The following ANXA4 variants were observed in gnomAD, a reference collection of about 807,000 sequenced individuals.
The protein encoded by ANXA4 is 35-beta calcimedin.
ANXA4 carries 39 observed loss-of-function variants against 49.8 expected under a neutral mutation model. The observed-to-expected ratio is 0.78, with a 90% CI of 0.61 to 1.02. The LOEUF is 1.02. Ranked by LOEUF, ANXA4 falls within the 50% of genes least tolerant of loss-of-function variation. The pLI is 0.00. For missense variants in ANXA4, 360 were observed against 410.1 expected, an observed-to-expected ratio of 0.88 and a Z score of 1.05; for synonymous variants, 134 against 152.5, an observed-to-expected ratio of 0.88 and a Z score of 0.89.
intron 3 of ANXA4, among the ~76,000 whole-genome samples, chr2:69,733,069 G>GA (rs1266178302): frequency 6.6e-6 from 1 of 152,072 alleles, no homozygotes; most frequent in Non-Finnish European, 1.5e-5. Context: ...GTAGACAACT[G>GA]AAAAAAATAG....
chr2:69,719,027 A>G (rs1304747036), intron 2 of ANXA4, among the ~76,000 whole-genome samples: 1 of 149,392 alleles, frequency 6.7e-6, no homozygotes, highest in Non-Finnish European at 1.5e-5. Context: ...CCCAGGCTGG[A>G]GTGCAGTGGC....
At chr2:69,702,249 A>G (rs1163701745) in intron 2 of ANXA4, among the ~76,000 whole-genome samples, 2 of 151,876 alleles carry the variant, frequency 1.3e-5, no homozygotes, top group African/African-American at 2.4e-5. Flanking sequence ...CTGACCTCAA[A>G]TGATCCGCCT....
chr2:69,708,899 C>T (rs1423853068), intron 2 of ANXA4, among the ~76,000 whole-genome samples: 1 of 151,826 alleles, frequency 6.6e-6, no homozygotes, highest in Non-Finnish European at 1.5e-5. Context: ...TGCCTATAAT[C>T]CCAGCTACCA....
intron 2 of ANXA4, chr2:69,700,111 T>C (rs1167455847): frequency 2.0e-5 from 3 of 152,216 alleles, no homozygotes; most frequent in Non-Finnish European, 4.4e-5. Context: ...TGAGGAAATG[T>C]AAATTTTTTT....
intron 8 of ANXA4, among the ~76,000 whole-genome samples, chr2:69,813,130 C>A (rs925640179): frequency 2.0e-5 from 3 of 152,198 alleles, no homozygotes; most frequent in Admixed American, 1.3e-4. Flanking sequence ...CTCTGTTTCC[C>A]AGCCCAGTGA....
intron 4 of ANXA4, 146 bp from the exon 5 acceptor site, chr2:69,806,239 C>T: frequency 1.7e-6 from 1 of 602,200 alleles, no homozygotes; most frequent in Non-Finnish European, 3.0e-6. Context: ...AGGCAAATAA[C>T]ATCTGAGTGT....
At chr2:69,695,900 AC>A (rs1678144484) in intron 2 of ANXA4, among the ~76,000 whole-genome samples, 1 of 148,804 alleles carries the variant, frequency 6.7e-6, no homozygotes, top group Non-Finnish European at 1.5e-5. Context: ...ATTTAAAAAT[AC>A]TTTTTTGCTA....
At chr2:69,730,190 A>T (rs1160587399) in intron 3 of ANXA4, among the ~76,000 whole-genome samples, 1 of 152,178 alleles carries the variant, frequency 6.6e-6, no homozygotes, top group Non-Finnish European at 1.5e-5. Flanking sequence ...TATTTAAAAA[A>T]AAAAAAATTC....
intron 2 of ANXA4, among the ~76,000 whole-genome samples, chr2:69,680,114 G>A (rs1367302543): frequency 6.6e-6 from 1 of 152,138 alleles, no homozygotes; most frequent in Admixed American, 6.5e-5. Context: ...CATTTTAAGA[G>A]CGTTAATTCT....
intron 2 of ANXA4, among the ~76,000 whole-genome samples, chr2:69,784,918 G>T (rs1672352517): frequency 6.6e-6 from 1 of 152,238 alleles, no homozygotes; most frequent in East Asian, 1.9e-4. Context: ...CAGTCGTATT[G>T]GATTAGGGGC....
chr2:69,724,411 T>C (rs1669904679), intron 3 of ANXA4, among the ~76,000 whole-genome samples: 2 of 152,190 alleles, frequency 1.3e-5, no homozygotes, highest in Non-Finnish European at 2.9e-5. Flanking sequence ...ACCCTGGGGC[T>C]TCATCCCCCC....
At chr2:69,776,968 A>G (rs1054404230) in intron 1 of ANXA4, among the ~76,000 whole-genome samples, 7 of 152,194 alleles carry the variant, frequency 4.6e-5, no homozygotes, top group African/African-American at 1.7e-4. Context: ...AGAGGTTCCC[A>G]TGACCCCCTG....
rs1673901494 is a variant in ANXA4, at chr2:69,814,791, TGTG to T, written c.535-1309_535-1307del. On this transcript the variant is annotated intron_variant, in intron 8 of 12. Transcript: ENST00000394295. ...GTGTGTGTGTGTGTGTGTGTGTGTG[TGTG>T]AGAGAAAGAGAGAGAGGATGGAGTT... 1.2e-3 allele frequency: 85 copies of T among 70,446 alleles called. 2 individuals carry two copies. Among genetic ancestry groups the T allele is most frequent in the African/African-American group, 5.7e-3 (82 of 14,388 alleles). 4.4% of individuals were successfully genotyped at this position (70,446 alleles called of 1,614,324 possible).
chr2:69,813,491 T>A (rs975143999), intron 8 of ANXA4, among the ~76,000 whole-genome samples: 2 of 152,126 alleles, frequency 1.3e-5, no homozygotes, highest in Non-Finnish European at 2.9e-5. Flanking sequence ...CCTCTGGTGA[T>A]CCGCCTGCCT....
At chr2:69,774,667 T>G (rs2105573315) in intron 1 of ANXA4, among the ~76,000 whole-genome samples, 1 of 152,264 alleles carries the variant, frequency 6.6e-6, no homozygotes, top group South Asian at 2.1e-4. Context: ...TCACAGCGTT[T>G]ACCATGACCT....
chr2:69,750,119 A>T (rs67264067), intron 1 of ANXA4, among the ~76,000 whole-genome samples: 34,480 of 151,526 alleles, frequency 0.23, 4,138 homozygotes, highest in East Asian at 0.3. Flanking sequence ...CCAATTAATT[A>T]AAAAAAAATA....
rs560037770 is a variant in ANXA4, at chr2:69,703,098, C to A, written n.767-17676C>A. On this transcript the variant is annotated intron_variant and non_coding_transcript_variant, in intron 2 of 3. Coordinates refer to the ANXA4 transcript ENST00000418066. ...GCCAAGAGAGTTAATTTCCCTGCCC[C>A]CTTTCTCACCTGTAAAACATCTGCT... Among the ~76,000 whole-genome samples the A allele has an allele frequency of 2.0e-5, 3 of 152,260 alleles. No individual in the cohort carries two copies. The East Asian group carries it at 5.8e-4, about 29-fold the overall frequency.
At chr2:69,812,203 C>A (rs769919397) in intron 7 of ANXA4, among the ~76,000 whole-genome samples, 7 of 151,788 alleles carry the variant, frequency 4.6e-5, no homozygotes, top group East Asian at 3.9e-4. Context: ...TAGCTCACTG[C>A]CTTGAACTCC....
intron 1 of ANXA4, among the ~76,000 whole-genome samples, chr2:69,779,136 A>G (rs985309122): frequency 6.7e-6 from 1 of 149,814 alleles, no homozygotes; most frequent in African/African-American, 2.4e-5. Context: ...AAAAAAAAGG[A>G]AAGAGAAGTC....
Sources: gnomAD v4.1 joint callset for allele counts (sites outside exome capture counted in the v4.1 genomes callset) on GRCh38, gnomAD v4.1.1 for gene constraint, MANE v1.5 for transcripts, NCBI Gene and HGNC (gene_info 2026-07-23, HGNC 2026-07-21) for gene names.